IQCH: variants seen among roughly 807,000 people sequenced by gnomAD.
IQCH encodes IQ motif containing H, also known as IQ domain-containing protein H.
In IQCH, 98 loss-of-function variants were observed where a neutral mutation model predicts 117.0. The observed-to-expected ratio is 0.84, with a 90% CI of 0.71 to 0.99. The LOEUF (loss-of-function observed/expected upper bound fraction) is 0.99. Among genes scored for constraint, IQCH ranks in the 50% least tolerant of loss-of-function variants. IQCH has a pLI of 0.00. For synonymous variants in IQCH, 412 were observed against 448.2 expected (o/e 0.92, Z 1.02); for missense variants, 1,102 against 1,243.8 (o/e 0.89, Z 1.72).
intron 3 of IQCH, among the ~76,000 whole-genome samples, chr15:67,266,332 G>A (rs1374568472): frequency 1.3e-5 from 2 of 151,944 alleles, no homozygotes; most frequent in African/African-American, 4.8e-5. Context: ...TAATTATGAT[G>A]GCTTTATACT....
intron 4 of IQCH, among the ~76,000 whole-genome samples, chr15:67,298,028 G>A (rs1049017419): frequency 6.6e-6 from 1 of 152,080 alleles, no homozygotes; most frequent in African/African-American, 2.4e-5. Flanking sequence ...GGCAAAAGAG[G>A]CTGGGCACAG....
rs569736760 is a variant in IQCH, at chr15:67,261,328, A to G, written c.108A>G (p.Glu36=). The G allele has an allele frequency of 1.3e-6, 2 of 1,588,384 alleles. No individual in the cohort carries two copies. Among genetic ancestry groups the G allele is most frequent in the South Asian group, 1.2e-5 (1 of 86,656 alleles). The stretch of plus-strand genomic sequence containing the variant: ...AATTAACAAAATTCTCACCTGAGGA[A>G]AAAGGAGAGACTCTAGACATTCAGA... ...KEKLTKFSPE[E]KGETLDIQSL... The change falls in exon 2 of 21, where the codon GAA becomes GAG. Residue 36 remains glutamate, a synonymous_variant. Coordinates refer to ENST00000335894, the MANE Select transcript of IQCH (RefSeq NM_001031715.3).
In IQCH at chr15:67,465,880, C is replaced by T. The variant is rs1017450056; in HGVS notation, c.2676+583C>T. The stretch of plus-strand genomic sequence containing the variant: ...CTCCACAAAGATAGTGTCTTAGTGT[C>T]GGCTTCCACCATCTCACACCTGTAT... On this transcript the variant is annotated intron_variant, in intron 17 of 20. Coordinates refer to ENST00000335894, the MANE Select transcript of IQCH (RefSeq NM_001031715.3). This position sits in a 1 kb window ranked among gnomAD's most constrained non-coding sequence, Gnocchi z 5.9. Among the ~76,000 whole-genome samples, 1 of 152,178 alleles carries T rather than the reference C, an allele frequency of 6.6e-6. No individual in the cohort carries two copies. The highest frequency in any genetic ancestry group is 1.5e-5 in the Non-Finnish European group (1 of 68,024).
At position 67,372,396 on chromosome 15, in the gene IQCH, G is replaced by C; in HGVS notation, c.1039G>C (p.Glu347Gln). 3 of 1,614,096 alleles carry C rather than the reference G, an allele frequency of 1.9e-6. No individual in the cohort carries two copies. The highest frequency in any genetic ancestry group is 2.2e-5 in the South Asian group (2 of 91,078). ...CAGATATGACCTTCTCTCAGTGTTA[G>C]AGGACCCAGCTCATGTCCAAATGCT... ...LTRYDLLSVL[E>Q]DPAHVQMLIN... The change falls in exon 9 of 21, where the codon GAG becomes CAG. Residue 347 changes from glutamate to glutamine, a missense_variant. By Grantham distance (29) the Glu-to-Gln change is conservative (BLOSUM62 2). Coordinates refer to ENST00000335894, the MANE Select transcript of IQCH (RefSeq NM_001031715.3).
chr15:67,359,743 G>A lies in IQCH; in HGVS notation c.715-104G>A, dbSNP rs1392531412. ...GAAAGAGAGAACAGGCTGGCCCAGCGGGTAAAATGGGGAAGGGGGTGAGGC... is the reference window on the plus strand; with the variant it reads ...GAAAGAGAGAACAGGCTGGCCCAGCAGGTAAAATGGGGAAGGGGGTGAGGC... On this transcript the variant is annotated intron_variant, in intron 7 of 20. Transcript: ENST00000335894. This position sits in a 1 kb window ranked among gnomAD's most constrained non-coding sequence, Gnocchi z 4.5. The A allele has an allele frequency of 3.2e-5, 31 of 959,846 alleles. No homozygotes were observed. The highest frequency in any genetic ancestry group is 2.1e-4 in the Admixed American group (12 of 57,288). The allele number at this position is 959,846 out of a possible 1,614,324, so 59.5% of individuals were successfully genotyped here. A position where few individuals can be genotyped will look rare whatever the true frequency, so the allele number is the denominator to read the frequency against.
At chr15:67,437,377 A>G (rs2082164192) in intron 16 of IQCH, among the ~76,000 whole-genome samples, 1 of 152,190 alleles carries the variant, frequency 6.6e-6, no homozygotes, top group African/African-American at 2.4e-5. Context: ...CATCAAGGGA[A>G]CAACCCGTGG....
chr15:67,268,420 C>T (rs564405903), intron 3 of IQCH, among the ~76,000 whole-genome samples: 47 of 152,284 alleles, frequency 3.1e-4, no homozygotes, highest in South Asian at 1.5e-3. Flanking sequence ...CTCCTCTTAC[C>T]ATTGCTGGCT....
chr15:67,490,004 A>G lies in IQCH; in HGVS notation c.2801A>G (p.Glu934Gly), dbSNP rs149668832. 34 of 1,604,812 alleles carry G rather than the reference A, an allele frequency of 2.1e-5. No individual in the cohort carries two copies. The highest frequency in any genetic ancestry group is 2.9e-5 in the Non-Finnish European group (34 of 1,172,194). The change falls in exon 19 of 21, where the codon GAA becomes GGA. Residue 934 changes from glutamate to glycine, a missense_variant and splice_region_variant. By Grantham distance (98) the Glu-to-Gly change is moderately conservative (BLOSUM62 -2). Around this residue, in one of 2 missense-constraint regions of IQCH, gnomAD observed 650 missense variants for 794.3 expected, o/e 0.82. Transcript: ENST00000335894. The surrounding 1 kb of genome is among the most constrained non-coding windows in gnomAD (Gnocchi z 4.9). ...TTTCTCCCCATTCAAATTTTACAGG[A>G]AAGGCAAGGAACTGTTTTTATATTA... ...RAHGIGYDVE[E>G]RQGTVFILYE...
intron 16 of IQCH, among the ~76,000 whole-genome samples, chr15:67,438,184 G>A (rs2082183721): frequency 6.6e-6 from 1 of 152,178 alleles, no homozygotes; most frequent in African/African-American, 2.4e-5. Flanking sequence ...AAACCTATCA[G>A]GTTAACAGCA....
rs2140981538 is a variant in IQCH at position 67,447,460 on chromosome 15, A to T, written c.2506-17667A>T. On this transcript the variant is annotated intron_variant, in intron 16 of 20. Transcript: ENST00000335894. This position sits in a 1 kb window ranked among gnomAD's most constrained non-coding sequence, Gnocchi z 5.3. ...TTCATCTCTCAGATAACTGAATCCAAAAGGTTCCCTTATGATAAGCATGTA... is the reference window on the plus strand; with the variant it reads ...TTCATCTCTCAGATAACTGAATCCATAAGGTTCCCTTATGATAAGCATGTA... Among the ~76,000 whole-genome samples, 1 of 152,324 alleles carries T rather than the reference A, an allele frequency of 6.6e-6. No individual in the cohort carries two copies. The highest frequency in any genetic ancestry group is 2.1e-4 in the South Asian group (1 of 4,822).
intron 10 of IQCH, chr15:67,373,924 G>A (rs988690875): frequency 1.7e-5 from 3 of 171,784 alleles, no homozygotes; most frequent in Admixed American, 6.4e-5. Context: ...CACCTAGGGC[G>A]CCTGAGCAAA....
intron 16 of IQCH, among the ~76,000 whole-genome samples, chr15:67,444,267 A>G (rs761709638): frequency 3.9e-5 from 6 of 152,246 alleles, no homozygotes; most frequent in Non-Finnish European, 8.8e-5. Context: ...GAAATGGAAT[A>G]AAATCAGTGT....
chr15:67,498,474 A>C (rs1001441999), intron 20 of IQCH, among the ~76,000 whole-genome samples: 3 of 152,068 alleles, frequency 2.0e-5, no homozygotes, highest in African/African-American at 7.2e-5. Flanking sequence ...AAAATTACCC[A>C]GGCATGTGGC....
rs1369298417 is a variant in IQCH, at chr15:67,493,731, C to T, written c.2862-527C>T. Among the ~76,000 whole-genome samples, 2 of 152,146 alleles carry T rather than the reference C, an allele frequency of 1.3e-5. No homozygotes were observed. Among genetic ancestry groups the T allele is most frequent in the African/African-American group, 4.8e-5 (2 of 41,434 alleles). ...CGTGCAGGTTTGTTACATATGTATCCATGTGCCATGTTAGTGTCCTGCACC... is the reference window on the plus strand; with the variant it reads ...CGTGCAGGTTTGTTACATATGTATCTATGTGCCATGTTAGTGTCCTGCACC... On this transcript the variant is annotated intron_variant, in intron 19 of 20. Coordinates refer to ENST00000335894, the MANE Select transcript of IQCH (RefSeq NM_001031715.3). This position sits in a 1 kb window ranked among gnomAD's most constrained non-coding sequence, Gnocchi z 5.1.
At chr15:67,340,091 C>T (rs7162340) in intron 5 of IQCH, among the ~76,000 whole-genome samples, 102,546 of 151,882 alleles carry the variant, frequency 0.68, 35,225 homozygotes, top group Middle Eastern at 0.84. Context: ...CTGGGAGGAC[C>T]TTGTAAGCAT....
rs1306007744 is a variant in IQCH, at chr15:67,458,996, T to G, written c.2506-6131T>G. On this transcript the variant is annotated intron_variant, in intron 16 of 20. Coordinates refer to ENST00000335894, the MANE Select transcript of IQCH (RefSeq NM_001031715.3). This position sits in a 1 kb window ranked among gnomAD's most constrained non-coding sequence, Gnocchi z 4.1. ...TATGATAAATATACACAATTCCCTG[T>G]TAGCCTCATAGATACATCTGGAGGC... Among the ~76,000 whole-genome samples the G allele has an allele frequency of 1.3e-5, 2 of 152,240 alleles. No individual in the cohort carries two copies. Among genetic ancestry groups the G allele is most frequent in the Non-Finnish European group, 2.9e-5 (2 of 68,044 alleles).
intron 14 of IQCH, among the ~76,000 whole-genome samples, chr15:67,409,753 A>T (rs1439349699): frequency 6.6e-6 from 1 of 152,194 alleles, no homozygotes; most frequent in Non-Finnish European, 1.5e-5. Context: ...GATGGAGCAA[A>T]TATTTTACAA....
rs180900072 is a variant in IQCH at position 67,458,624 on chromosome 15, G to A, written c.2506-6503G>A. Among the ~76,000 whole-genome samples the A allele has an allele frequency of 6.6e-6, 1 of 152,334 alleles. No homozygotes were observed. The highest frequency in any genetic ancestry group is 1.9e-4 in the East Asian group (1 of 5,186). Reference sequence around the variant, plus strand: ...AAAAAGGAAATAAGCCCTTGGCTCTGTACCTAGCCAAACCAGTAAAACAGA... The same window carrying A: ...AAAAAGGAAATAAGCCCTTGGCTCTATACCTAGCCAAACCAGTAAAACAGA... On this transcript the variant is annotated intron_variant, in intron 16 of 20. Coordinates refer to ENST00000335894, the MANE Select transcript of IQCH (RefSeq NM_001031715.3). This position sits in a 1 kb window ranked among gnomAD's most constrained non-coding sequence, Gnocchi z 4.1.
intron 6 of IQCH, among the ~76,000 whole-genome samples, chr15:67,344,697 G>T (rs1224867665): frequency 2.0e-5 from 3 of 152,132 alleles, no homozygotes; most frequent in Non-Finnish European, 4.4e-5. Flanking sequence ...ACAATTTTAT[G>T]GTAACTGGAA....
Sources: allele counts gnomAD v4.1 joint callset (sites outside exome capture counted in the v4.1 genomes callset), GRCh38; gene constraint gnomAD v4.1.1; regional missense constraint gnomAD v4.1.1; non-coding constraint Gnocchi (gnomAD v3.1); transcripts MANE v1.5; gene names NCBI Gene and HGNC (gene_info 2026-07-23, HGNC 2026-07-21).